The following FSIP1 variants were observed in gnomAD, a reference collection of about 807,000 sequenced individuals.
FSIP1 encodes fibrous sheath interacting protein 1.
FSIP1 carries 65 observed loss-of-function variants against 60.9 expected under a neutral mutation model. The observed-to-expected ratio is 1.07, with a 90% CI of 0.87 to 1.31. The LOEUF is 1.31. Ranked by LOEUF, FSIP1 falls within the 40% of genes most tolerant of loss-of-function variation. The pLI is 0.00. For synonymous variants in FSIP1, 209 were observed against 221.2 expected (o/e 0.94, Z 0.49); for missense variants, 675 against 665.5 (o/e 1.01, Z -0.16).
At chr15:39,615,892 G>T (rs941629503) in intron 11 of FSIP1, among the ~76,000 whole-genome samples, 2 of 152,032 alleles carry the variant, frequency 1.3e-5, no homozygotes, top group African/African-American at 2.4e-5. Context: ...GCACAGCAGG[G>T]TAACTACAGT....
chr15:39,748,945 T>C (rs1217846316), intron 5 of FSIP1, among the ~76,000 whole-genome samples: 2 of 151,656 alleles, frequency 1.3e-5, no homozygotes, highest in Non-Finnish European at 2.9e-5. Context: ...GACTCAAATA[T>C]CTAGAATCAG....
At chr15:39,723,390 G>A (rs62004771) in intron 9 of FSIP1, among the ~76,000 whole-genome samples, 26,134 of 152,050 alleles carry the variant, frequency 0.17, 2,563 homozygotes, top group East Asian at 0.39. Flanking sequence ...CACCACACCT[G>A]GCTAATTTTT....
intron 5 of FSIP1, among the ~76,000 whole-genome samples, chr15:39,749,401 G>A (rs1428043220): frequency 7.2e-6 from 1 of 139,590 alleles, no homozygotes; most frequent in Non-Finnish European, 1.5e-5. Flanking sequence ...GAACATTGAT[G>A]TAAAAATCCT....
intron 10 of FSIP1, among the ~76,000 whole-genome samples, chr15:39,642,235 C>G (rs894755555): frequency 6.6e-6 from 1 of 152,110 alleles, no homozygotes; most frequent in Non-Finnish European, 1.5e-5. Context: ...ATGAATAAAG[C>G]CCTAAGCATG....
chr15:39,598,251 G>C (rs1434898024), downstream of FSIP1: 2 of 152,172 alleles, frequency 1.3e-5, no homozygotes, highest in Non-Finnish European at 2.9e-5. Context: ...CACTAGAAAG[G>C]ACTGGCTGGG....
chr15:39,731,076 A>G (rs1387097000), intron 8 of FSIP1, among the ~76,000 whole-genome samples: 1 of 152,186 alleles, frequency 6.6e-6, no homozygotes. Flanking sequence ...ATTTATAATA[A>G]AACGTCTAAA....
chr15:39,646,762 T>A (rs1361685326), intron 10 of FSIP1, among the ~76,000 whole-genome samples: 2 of 151,438 alleles, frequency 1.3e-5, no homozygotes, highest in Admixed American at 6.6e-5. Context: ...CATAAAGGTA[T>A]CCACATTTCC....
intron 8 of FSIP1, among the ~76,000 whole-genome samples, chr15:39,737,369 T>C (rs1353399669): frequency 1.3e-5 from 2 of 152,176 alleles, no homozygotes; most frequent in African/African-American, 2.4e-5. Context: ...TCCAGGGAAC[T>C]GTGTGCTCAA....
At chr15:39,715,720 C>T (rs767705908) in intron 9 of FSIP1, among the ~76,000 whole-genome samples, 5 of 152,180 alleles carry the variant, frequency 3.3e-5, no homozygotes, top group Admixed American at 6.5e-5. Flanking sequence ...TTGGAGGTGG[C>T]GCCTGGTGGG....
At chr15:39,710,847 T>G (rs79904434) in intron 10 of FSIP1, among the ~76,000 whole-genome samples, 1 of 152,238 alleles carries the variant, frequency 6.6e-6, no homozygotes, top group Admixed American at 6.5e-5. Flanking sequence ...TACTTTAGTA[T>G]CTGTAAAATA....
chr15:39,617,724 C>G lies in FSIP1; in HGVS notation c.1699+11G>C. On this transcript the variant is annotated intron_variant, in intron 11 of 11. Coordinates refer to ENST00000350221, the MANE Select transcript of FSIP1 (RefSeq NM_152597.5). ...AATTATTTACCAAAACACATGTTCG[C>G]CAAGCCTCACCTGCTATTGTATTCT... is the stretch of plus-strand genomic sequence containing the variant. 5 of 1,599,624 alleles carry G rather than the reference C, an allele frequency of 3.1e-6. No individual in the cohort carries two copies. The highest frequency in any genetic ancestry group is 1.7e-6 in the Non-Finnish European group (2 of 1,172,906).
chr15:39,728,635 A>G (rs1008648180), intron 8 of FSIP1, among the ~76,000 whole-genome samples: 1 of 152,024 alleles, frequency 6.6e-6, no homozygotes, highest in African/African-American at 2.4e-5. Flanking sequence ...ACAAAAATCA[A>G]GTAAAACCTA....
intron 11 of FSIP1, among the ~76,000 whole-genome samples, chr15:39,608,847 C>A (rs1413652342): frequency 6.6e-6 from 1 of 152,142 alleles, no homozygotes; most frequent in Non-Finnish European, 1.5e-5. Context: ...AGCTGAGACA[C>A]CCCCTTGGAC....
chr15:39,700,683 T>C (rs1895022627), intron 10 of FSIP1, among the ~76,000 whole-genome samples: 1 of 152,166 alleles, frequency 6.6e-6, no homozygotes, highest in South Asian at 2.1e-4. Context: ...CCCACCCCAG[T>C]GTCTATACAA....
chr15:39,746,937 CAT>C (rs1291800360), intron 5 of FSIP1, among the ~76,000 whole-genome samples: 4 of 152,222 alleles, frequency 2.6e-5, no homozygotes, highest in African/African-American at 9.6e-5. Context: ...CCTCACCTAA[CAT>C]GTACATCACT....
At chr15:39,653,959 T>C (rs1390969024) in intron 10 of FSIP1, among the ~76,000 whole-genome samples, 1 of 152,192 alleles carries the variant, frequency 6.6e-6, no homozygotes. Flanking sequence ...TGTTAAAAAC[T>C]AAATAGAAAC....
At chr15:39,748,160 C>T (rs1277834469) in intron 5 of FSIP1, among the ~76,000 whole-genome samples, 1 of 152,034 alleles carries the variant, frequency 6.6e-6, no homozygotes, top group Non-Finnish European at 1.5e-5. Flanking sequence ...TATACTCTTT[C>T]TTCCAGTTCT....
At chr15:39,610,046 A>G (rs1890969399) in intron 11 of FSIP1, among the ~76,000 whole-genome samples, 1 of 152,234 alleles carries the variant, frequency 6.6e-6, no homozygotes, top group Non-Finnish European at 1.5e-5. Flanking sequence ...AAATGTGTAG[A>G]CAACAAGGTT....
chr15:39,602,690 C>T (rs548910571), intron 11 of FSIP1, among the ~76,000 whole-genome samples: 2 of 152,276 alleles, frequency 1.3e-5, no homozygotes, highest in South Asian at 2.1e-4. Flanking sequence ...CATAATTCCA[C>T]GCCTTCGTAA....
Sources: allele counts gnomAD v4.1 joint callset (sites outside exome capture counted in the v4.1 genomes callset), GRCh38; gene constraint gnomAD v4.1.1; transcripts MANE v1.5; gene names NCBI Gene and HGNC (gene_info 2026-07-23, HGNC 2026-07-21).